The following FER variants were observed in gnomAD, a reference collection of about 807,000 sequenced individuals.
FER encodes FER tyrosine kinase, also known as tyrosine-protein kinase Fer.
FER carries 63 observed loss-of-function variants against 111.0 expected under a neutral mutation model. The observed-to-expected ratio is 0.57, with a 90% CI of 0.46 to 0.70. The LOEUF (loss-of-function observed/expected upper bound fraction) is 0.70. Ranked by LOEUF, FER falls within the 30% of genes least tolerant of loss-of-function variation. The pLI, the probability that FER is intolerant of heterozygous loss-of-function variation, is 0.00. For synonymous variants in FER, 327 were observed against 313.9 expected (o/e 1.04, Z -0.44); for missense variants, 914 against 954.0 (o/e 0.96, Z 0.55).
At chr5:108,967,183 A>T (rs371637259) in intron 13 of FER, among the ~76,000 whole-genome samples, 1 of 152,088 alleles carries the variant, frequency 6.6e-6, no homozygotes, top group Non-Finnish European at 1.5e-5. Flanking sequence ...ATCACATTCA[A>T]CTGTTTCCAA....
At chr5:108,833,368 CT>C (rs1369257136) in intron 4 of FER, among the ~76,000 whole-genome samples, 1 of 152,060 alleles carries the variant, frequency 6.6e-6, no homozygotes, top group African/African-American at 2.4e-5. Context: ...TTCTGAATGA[CT>C]TTTTTCAAAT....
At chr5:108,981,013 C>T (rs1761962620) in intron 13 of FER, among the ~76,000 whole-genome samples, 1 of 152,084 alleles carries the variant, frequency 6.6e-6, no homozygotes, top group African/African-American at 2.4e-5. Flanking sequence ...CATCAATAGA[C>T]TTGATTGACC....
intron 4 of FER, among the ~76,000 whole-genome samples, chr5:108,834,515 C>T (rs569547321): frequency 2.0e-5 from 3 of 151,718 alleles, no homozygotes; most frequent in African/African-American, 4.8e-5. Flanking sequence ...CTGGGCAACA[C>T]GGTGAAACCC....
At chr5:109,100,273 A>G in intron 16 of FER, 123 bp from the exon 17 acceptor site, 1 of 1,216,610 alleles carries the variant, frequency 8.2e-7, no homozygotes, top group South Asian at 1.4e-5. Context: ...CAAATTGGGC[A>G]AAAAGCATGG....
At chr5:109,115,511 G>T (rs1339498206) in intron 17 of FER, among the ~76,000 whole-genome samples, 1 of 152,092 alleles carries the variant, frequency 6.6e-6, no homozygotes, top group African/African-American at 2.4e-5. Context: ...ACACCTAGGA[G>T]AATTTTTATG....
At chr5:108,823,267 T>A (rs2150110114) in intron 3 of FER, among the ~76,000 whole-genome samples, 1 of 152,350 alleles carries the variant, frequency 6.6e-6, no homozygotes, top group South Asian at 2.1e-4. Context: ...ATCTTTTTGT[T>A]GTATTGATTT....
intron 17 of FER, among the ~76,000 whole-genome samples, chr5:109,128,289 T>A (rs1272420970): frequency 1.3e-5 from 2 of 152,170 alleles, no homozygotes; most frequent in Non-Finnish European, 2.9e-5. Flanking sequence ...AATAGTATTC[T>A]TTCAGTTCCC....
chr5:109,032,195 T>C (rs1229830410), intron 13 of FER, among the ~76,000 whole-genome samples: 4 of 152,180 alleles, frequency 2.6e-5, no homozygotes, highest in Non-Finnish European at 5.9e-5. Context: ...AGAAAGTTTG[T>C]TGGCAGCGAA....
intron 13 of FER, among the ~76,000 whole-genome samples, chr5:109,012,283 G>C (rs1766380997): frequency 6.6e-6 from 1 of 152,178 alleles, no homozygotes; most frequent in African/African-American, 2.4e-5. Context: ...ATACAACTCA[G>C]CCGGTTTAGT....
At chr5:108,765,523 G>C (rs1401339343) in intron 1 of FER, among the ~76,000 whole-genome samples, 1 of 152,038 alleles carries the variant, frequency 6.6e-6, no homozygotes, top group Non-Finnish European at 1.5e-5. Flanking sequence ...AGGCTCAAGT[G>C]ATCCTTCTGC....
chr5:108,959,263 T>A lies in FER; in HGVS notation c.1572T>A (p.Ile524=), dbSNP rs372148186. 35 of 1,611,920 alleles carry A rather than the reference T, an allele frequency of 2.2e-5. No individual in the cohort carries two copies. Among genetic ancestry groups the A allele is most frequent in the Non-Finnish European group, 3.0e-5 (35 of 1,178,662 alleles). The part of the protein sequence containing the change: ...YRFEGTGFSN[I]PQLIDHHYTT... ...TCGAGGGCACTGGGTTTTCAAACAT[T>A]CCTCAACTTATAGATCATCACTATA... is the stretch of plus-strand genomic sequence containing the variant. Residue 524 remains isoleucine, a synonymous_variant, in exon 13 of 20, where the codon ATT becomes ATA. Transcript: ENST00000281092.
chr5:109,164,181 A>G (rs1582336827), intron 17 of FER, among the ~76,000 whole-genome samples: 1 of 152,186 alleles, frequency 6.6e-6, no homozygotes, highest in East Asian at 1.9e-4. Context: ...TCTTGCTTCA[A>G]ATAAGCTGAG....
intron 17 of FER, among the ~76,000 whole-genome samples, chr5:109,113,005 C>T (rs1416818206): frequency 6.6e-6 from 1 of 152,048 alleles, no homozygotes; most frequent in Non-Finnish European, 1.5e-5. Context: ...TTTCCTAATC[C>T]ATCTACCTGT....
chr5:109,034,740 A>T (rs1279472124), intron 13 of FER, among the ~76,000 whole-genome samples: 1 of 151,792 alleles, frequency 6.6e-6, no homozygotes, highest in Admixed American at 6.6e-5. Context: ...CACTACAAGG[A>T]TTGGGCTCAA....
At chr5:109,045,451 A>G (rs1771828120) in intron 15 of FER, among the ~76,000 whole-genome samples, 1 of 152,168 alleles carries the variant, frequency 6.6e-6, no homozygotes, top group African/African-American at 2.4e-5. Context: ...TGAATTTATA[A>G]CTGTTGATAA....
chr5:108,992,032 A>C (rs1052708369), intron 13 of FER, among the ~76,000 whole-genome samples: 3 of 152,152 alleles, frequency 2.0e-5, no homozygotes, highest in African/African-American at 7.2e-5. Flanking sequence ...GGCCTTCCGC[A>C]GTGTTTGTGT....
At position 109,184,990 on chromosome 5, in the gene FER, C is replaced by G. The variant is rs191155612; in HGVS notation, c.2204-1210C>G. Among the ~76,000 whole-genome samples the G allele has an allele frequency of 2.1e-3, 317 of 152,228 alleles. 1 individual carries two copies. Among genetic ancestry groups the G allele is most frequent in the African/African-American group, 7.2e-3 (301 of 41,520 alleles). On this transcript the variant is annotated intron_variant, in intron 18 of 19. Transcript: ENST00000281092. ...TAGAAAATGAAATAACTTAAGAAAT[C>G]TTTAACACCACTGTAAATGGAGTTT...
intron 5 of FER, among the ~76,000 whole-genome samples, chr5:108,866,856 A>G (rs1486258848): frequency 1.3e-5 from 2 of 152,254 alleles, no homozygotes; most frequent in Admixed American, 6.5e-5. Flanking sequence ...TCATTTCTTT[A>G]TATCTTCATT....
At position 108,768,391 on chromosome 5, in the gene FER, AT is replaced by A. The variant is rs368308591; in HGVS notation, c.-60+159del. ...TACTGTTTTATATTTGTGTTTATTT[AT>A]TTTTTGCTTGTCATCTATCCCAATG... is the stretch of plus-strand genomic sequence containing the variant. On this transcript the variant is annotated intron_variant, in intron 2 of 19. Transcript: ENST00000281092. Among the ~76,000 whole-genome samples the A allele has an allele frequency of 3.6e-3, 547 of 151,958 alleles. 3 individuals carry two copies. Among genetic ancestry groups the A allele is most frequent in the African/African-American group, 0.013 (523 of 41,416 alleles).
Sources: allele counts gnomAD v4.1 joint callset (sites outside exome capture counted in the v4.1 genomes callset), GRCh38; gene constraint gnomAD v4.1.1; transcripts MANE v1.5; gene names NCBI Gene and HGNC (gene_info 2026-07-23, HGNC 2026-07-21).